Variants in NABP1 observed in about 807,000 individuals in gnomAD.
NABP1 encodes the protein nucleic acid binding protein 1, also known as SOSS complex subunit B2.
NABP1 carries 18 observed loss-of-function variants against 25.0 expected under a neutral mutation model. That is an observed-to-expected ratio of 0.72 (90% CI 0.50 to 1.07). The LOEUF (loss-of-function observed/expected upper bound fraction) is 1.07. Ranked by LOEUF, NABP1 falls within the 50% of genes least tolerant of loss-of-function variation. NABP1 has a pLI of 0.00. For synonymous variants in NABP1, 71 were observed against 85.0 expected, an observed-to-expected ratio of 0.84 and a Z score of 0.91; for missense variants, 270 against 255.6, an observed-to-expected ratio of 1.06 and a Z score of -0.39.
intron 4 of NABP1, 50 bp from the exon 5 acceptor site, chr2:191,684,180 T>C (rs1687756214): frequency 1.8e-6 from 2 of 1,135,912 alleles, no homozygotes; most frequent in Admixed American, 2.4e-5. Context: ...GTTGTAATAA[T>C]ATAATTGTGT....
chr2:191,683,781 T>C lies in NABP1; in HGVS notation c.355T>C (p.Tyr119His), dbSNP rs1160252205. 1.7e-5 allele frequency: 27 copies of C among 1,609,288 alleles called. No individual in the cohort carries two copies. The highest frequency in any genetic ancestry group is 2.2e-5 in the Non-Finnish European group (26 of 1,178,848). Residue 119 changes from tyrosine to histidine, a missense_variant, in exon 4 of 6, where the codon TAT becomes CAT. By Grantham distance (83) the Tyr-to-His change is moderately conservative (BLOSUM62 2). Coordinates refer to ENST00000425611, the MANE Select transcript of NABP1 (RefSeq NM_001031716.5). This position sits in a 1 kb window ranked among gnomAD's most constrained non-coding sequence, Gnocchi z 4.1. ...VPNFSEPNPD[Y>H]RGQQNKGAQS... ...AAATTTCAGTGAACCCAACCCAGATTATCGAGGACAGCAGAACAAAGGGGT... is the reference window on the plus strand; with the variant it reads ...AAATTTCAGTGAACCCAACCCAGATCATCGAGGACAGCAGAACAAAGGGGT...
intron 4 of NABP1, 31 bp from the exon 5 acceptor site, chr2:191,684,198 CT>C (rs1309430097): frequency 7.6e-7 from 1 of 1,318,696 alleles, no homozygotes; most frequent in South Asian, 1.3e-5. Flanking sequence ...TGTTTTTATT[CT>C]CGTTTGGTTA....
At position 191,685,670 on chromosome 2, in the gene NABP1, G is replaced by A; in HGVS notation, c.517G>A (p.Gly173Arg). The A allele has an allele frequency of 6.2e-7, 1 of 1,613,834 alleles. No homozygotes were observed. Among genetic ancestry groups the A allele is most frequent in the Admixed American group, 1.7e-5 (1 of 59,976 alleles). ...FSHAGRSNGR[G>R]LINPQLQGTA... Reference sequence around the variant, plus strand: ...ACATGCTGGCAGAAGCAATGGCCGGGGACTTATAAATCCACAACTACAAGG... The same window carrying A: ...ACATGCTGGCAGAAGCAATGGCCGGAGACTTATAAATCCACAACTACAAGG... The change falls in exon 6 of 6, where the codon GGA becomes AGA. Residue 173 changes from glycine (G) to arginine (R), a missense_variant. Physicochemically the swap from Gly to Arg is moderately radical, Grantham distance 125. Transcript: ENST00000425611.
rs949864300 is a variant in NABP1 at position 191,678,543 on chromosome 2, C to T, written c.-72C>T. ...CGCCCCTCTGCCTTCGCCCCTGTCC[C>T]GGGAGGGTGGGAAGCTTTGACCCCG... On this transcript the variant is annotated 5_prime_UTR_variant, in exon 1 of 6. Transcript: ENST00000425611. The T allele has an allele frequency of 7.7e-5, 89 of 1,155,022 alleles. No individual in the cohort carries two copies. Among genetic ancestry groups the T allele is most frequent in the Middle Eastern group, 5.6e-4 (2 of 3,584 alleles). The allele number at this position is 1,155,022 out of a possible 1,614,324, so 71.5% of individuals were successfully genotyped here.
intron 2 of NABP1, 129 bp from the exon 3 acceptor site, chr2:191,681,817 T>C: frequency 2.2e-6 from 1 of 453,074 alleles, no homozygotes; most frequent in Non-Finnish European, 3.8e-6. Context: ...TGATTTACTA[T>C]GGTGGATAGA....
chr2:191,682,451 A>T (rs1365664654), intron 3 of NABP1: 1 of 468,018 alleles, frequency 2.1e-6, no homozygotes, highest in Non-Finnish European at 4.4e-6. Context: ...GTTAAAAAGG[A>T]CTTGCAGCAA....
intron 2 of NABP1, among the ~76,000 whole-genome samples, chr2:191,680,474 T>C (rs992303439): frequency 2.6e-5 from 4 of 152,222 alleles, no homozygotes; most frequent in African/African-American, 9.7e-5. Flanking sequence ...CTTCCACATC[T>C]TTAAAAAACA....
At chr2:191,682,902 A>G in intron 3 of NABP1, 1 of 245,160 alleles carries the variant, frequency 4.1e-6, no homozygotes, top group South Asian at 4.7e-5. Flanking sequence ...TTAGAAGGGA[A>G]GTTAGGATTC....
Position 191,678,588 on chromosome 2 carries a change from C to T in NABP1, c.-27C>T, listed in dbSNP as rs369247943. 10 of 1,573,360 alleles carry T rather than the reference C, an allele frequency of 6.4e-6. No individual in the cohort carries two copies. The African/African-American group carries it at 9.5e-5, about 15-fold the overall frequency. The stretch of plus-strand genomic sequence containing the variant: ...ACCCCGCCCTGCCCACTCGCGTCTC[C>T]GCAGCCGTAGCCGCGCCTGTCCCAA... On this transcript the variant is annotated 5_prime_UTR_variant, in exon 1 of 6. Transcript: ENST00000425611.
At chr2:191,678,793 CCCT>C in intron 1 of NABP1, 88 bp downstream of exon 1, 1 of 1,232,930 alleles carries the variant, frequency 8.1e-7, no homozygotes, top group African/African-American at 1.5e-5. Flanking sequence ...CCCGGGGCTC[CCCT>C]CCTCCTCCCT....
chr2:191,678,841 G>A, intron 1 of NABP1, 136 bp downstream of exon 1: 3 of 721,724 alleles, frequency 4.2e-6, no homozygotes, highest in Non-Finnish European at 6.4e-6. Context: ...AGTGGCCTCC[G>A]CCCGAGATCG....
At chr2:191,681,067 T>C (rs1278750309) in intron 2 of NABP1, among the ~76,000 whole-genome samples, 1 of 152,230 alleles carries the variant, frequency 6.6e-6, no homozygotes, top group Non-Finnish European at 1.5e-5. Flanking sequence ...AAATTTTTTC[T>C]CAAAATATGG....
At chr2:191,678,762 AG>A (rs1221813228) in intron 1 of NABP1, 57 bp downstream of exon 1, 56 of 1,511,496 alleles carry the variant, frequency 3.7e-5, no homozygotes, top group Non-Finnish European at 5.1e-5. Flanking sequence ...GGCGGGAGAC[AG>A]GGGCGCCGGC....
chr2:191,679,467 C>G (rs989958408), intron 2 of NABP1, among the ~76,000 whole-genome samples: 2 of 152,222 alleles, frequency 1.3e-5, no homozygotes, highest in Non-Finnish European at 2.9e-5. Context: ...GCCTCCGCCT[C>G]GCGGGTTCAA....
intron 5 of NABP1, 118 bp from the exon 6 acceptor site, chr2:191,685,481 A>G: frequency 2.1e-6 from 2 of 939,288 alleles, no homozygotes; most frequent in Non-Finnish European, 3.1e-6. Context: ...TTTCTGTATA[A>G]AAATAAAAGT....
intron 2 of NABP1, among the ~76,000 whole-genome samples, chr2:191,680,382 G>A (rs1687654679): frequency 6.6e-6 from 1 of 152,140 alleles, no homozygotes; most frequent in African/African-American, 2.4e-5. Context: ...AGGAAGTGAG[G>A]TAAAGTGTCA....
In NABP1 at chr2:191,683,017, T is replaced by C; in HGVS notation, c.303-712T>C. 1 of 158,152 alleles carries C rather than the reference T, an allele frequency of 6.3e-6. No individual in the cohort carries two copies. The highest frequency in any genetic ancestry group is 1.8e-4 in the South Asian group (1 of 5,500). 9.8% of individuals were successfully genotyped at this position (158,152 alleles called of 1,614,324 possible). A position where few individuals can be genotyped will look rare whatever the true frequency, so the allele number is the denominator to read the frequency against. On this transcript the variant is annotated intron_variant, in intron 3 of 5. Coordinates refer to ENST00000425611, the MANE Select transcript of NABP1 (RefSeq NM_001031716.5). The surrounding 1 kb of genome is among the most constrained non-coding windows in gnomAD (Gnocchi z 4.1). ...ACCTTCATGTATTCATACAGAGGTG[T>C]TGATAATAATGGAGGTCAGTTACGT...
chr2:191,678,806 T>TGTTGGC, intron 1 of NABP1, 101 bp downstream of exon 1: 1 of 569,542 alleles, frequency 1.8e-6, no homozygotes, highest in Non-Finnish European at 3.1e-6. Context: ...TCCTCCTCCC[T>TGTTGGC]CCCCTCCCCC....
In NABP1 at chr2:191,679,005, C is replaced by T. The variant is rs200605587; in HGVS notation, c.107C>T (p.Thr36Ile). 8.1e-6 allele frequency: 13 copies of T among 1,614,112 alleles called. No individual in the cohort carries two copies. Among genetic ancestry groups the T allele is most frequent in the African/African-American group, 2.7e-5 (2 of 74,940 alleles). ...ATCCTCACAGGACGCGTGACCAAAA[C>T]CAAAGACGGCCATGAAGTGAGATCG... ...IVLEIGRVTKTKDGHEVRSCK... is the reference protein window; with the variant it reads ...IVLEIGRVTKIKDGHEVRSCK... The change falls in exon 2 of 6, where the codon ACC becomes ATC. Residue 36 changes from threonine (T) to isoleucine (I), a missense_variant. By Grantham distance (89) the Thr-to-Ile change is moderately conservative (BLOSUM62 -1). Transcript: ENST00000425611.
Sources: allele counts gnomAD v4.1 joint callset (sites outside exome capture counted in the v4.1 genomes callset), GRCh38; gene constraint gnomAD v4.1.1; non-coding constraint Gnocchi (gnomAD v3.1); transcripts MANE v1.5; gene names NCBI Gene and HGNC (gene_info 2026-07-23, HGNC 2026-07-21).